The following ANAPC16 variants were observed in gnomAD, a reference collection of about 807,000 sequenced individuals.
ANAPC16 encodes anaphase-promoting complex subunit 16.
A neutral mutation model predicts 13.1 loss-of-function variants in ANAPC16; 6 were observed. The observed-to-expected ratio is 0.46, with a 90% CI of 0.25 to 0.90. ANAPC16 has a LOEUF of 0.90. Ranked by LOEUF, ANAPC16 falls within the 40% of genes least tolerant of loss-of-function variation. The pLI is 0.18. For synonymous variants in ANAPC16, 55 were observed against 51.3 expected, an observed-to-expected ratio of 1.07 and a Z score of -0.31; for missense variants, 113 against 131.1, an observed-to-expected ratio of 0.86 and a Z score of 0.67.
chr10:72,225,196 T>C (rs768766230), intron 2 of ANAPC16, among the ~76,000 whole-genome samples: 45 of 152,072 alleles, frequency 3.0e-4, no homozygotes, highest in Non-Finnish European at 6.2e-4. Context: ...GGCAGGAGAA[T>C]CACTTGAACC....
chr10:72,224,381 G>A (rs879262278), intron 2 of ANAPC16, among the ~76,000 whole-genome samples: 4 of 152,138 alleles, frequency 2.6e-5, no homozygotes, highest in Admixed American at 2.0e-4. Context: ...GGGAGACTGA[G>A]GCAGGTGGAT....
chr10:72,222,618 A>G (rs551213789), intron 1 of ANAPC16, among the ~76,000 whole-genome samples: 3 of 151,888 alleles, frequency 2.0e-5, no homozygotes, highest in African/African-American at 7.2e-5. Context: ...GCCTACTAAA[A>G]ATACAAAAAT....
intron 1 of ANAPC16, 87 bp from the exon 2 acceptor site, chr10:72,223,799 CTG>C (rs1215688454): frequency 9.3e-7 from 1 of 1,069,662 alleles, no homozygotes; most frequent in Non-Finnish European, 1.3e-6. Context: ...CTTTACAAAA[CTG>C]TATGCTGGCC....
Position 72,233,041 on chromosome 10 carries a change from A to C in ANAPC16, c.258A>C (p.Val86=). ...VARMEKLAGL[V]EELEADEWRF... ...GGATGGAAAAACTAGCTGGTTTGGT[A>C]GAAGAGCTGGAGGCTGACGAGTGGC... The change falls in exon 4 of 4, where the codon GTA becomes GTC. Residue 86 remains valine, a synonymous_variant. Transcript: ENST00000299381. 1 of 1,614,226 alleles carries C rather than the reference A, an allele frequency of 6.2e-7. No individual in the cohort carries two copies. The highest frequency in any genetic ancestry group is 1.1e-5 in the South Asian group (1 of 91,088).
At chr10:72,226,395 C>T (rs1860124201) in intron 2 of ANAPC16, among the ~76,000 whole-genome samples, 1 of 151,886 alleles carries the variant, frequency 6.6e-6, no homozygotes, top group African/African-American at 2.4e-5. Flanking sequence ...AACTATAGGC[C>T]AGGCATAGTG....
chr10:72,217,148 G>A (rs1404742053), intron 1 of ANAPC16: 1 of 433,806 alleles, frequency 2.3e-6, no homozygotes, highest in Non-Finnish European at 4.6e-6. Context: ...TTTCGAAGGT[G>A]GCAGGGTGTT....
At chr10:72,229,897 G>A (rs1860242639) in intron 2 of ANAPC16, among the ~76,000 whole-genome samples, 1 of 152,212 alleles carries the variant, frequency 6.6e-6, no homozygotes. Context: ...TCAGAGTGAT[G>A]TAATTTGATA....
intron 2 of ANAPC16, among the ~76,000 whole-genome samples, chr10:72,226,172 C>T (rs1344149437): frequency 6.6e-6 from 1 of 151,532 alleles, no homozygotes; most frequent in Non-Finnish European, 1.5e-5. Flanking sequence ...CCCACCACCA[C>T]ACCTGGCTAA....
intron 1 of ANAPC16, chr10:72,216,907 G>T: frequency 2.2e-6 from 1 of 456,130 alleles, no homozygotes; most frequent in Non-Finnish European, 4.4e-6. Context: ...CTGGCAAACT[G>T]GTTGAAGATA....
intron 2 of ANAPC16, among the ~76,000 whole-genome samples, chr10:72,224,979 G>A (rs1191537544): frequency 2.0e-5 from 3 of 152,074 alleles, no homozygotes; most frequent in Non-Finnish European, 2.9e-5. Flanking sequence ...AGAGCAAAGA[G>A]GTTACTTAAA....
intron 2 of ANAPC16, among the ~76,000 whole-genome samples, chr10:72,225,868 T>C (rs1860105134): frequency 6.8e-6 from 1 of 147,488 alleles, no homozygotes; most frequent in Non-Finnish European, 1.5e-5. Flanking sequence ...GCCACTGTAC[T>C]CCAGGCTGGT....
intron 1 of ANAPC16, among the ~76,000 whole-genome samples, chr10:72,218,997 C>T (rs1292981906): frequency 1.3e-5 from 2 of 152,216 alleles, no homozygotes; most frequent in Admixed American, 6.5e-5. Context: ...GCTGTCCTCA[C>T]TCTGGCAGTT....
At chr10:72,216,719 C>A (rs1859416189) in intron 1 of ANAPC16, 1 of 422,670 alleles carries the variant, frequency 2.4e-6, no homozygotes, top group Admixed American at 2.7e-5. Context: ...CCCTGCCGTA[C>A]ATGAAGTAAA....
At chr10:72,222,055 A>G (rs1055722963) in intron 1 of ANAPC16, among the ~76,000 whole-genome samples, 11 of 150,846 alleles carry the variant, frequency 7.3e-5, no homozygotes, top group Admixed American at 4.6e-4. Context: ...TACTAAATAC[A>G]CTTGTTAGAG....
rs1860420576 is a variant in ANAPC16, at chr10:72,234,637, TAA to T, written c.*1522_*1523del. The T allele has an allele frequency of 6.6e-6, 1 of 152,206 alleles. No individual in the cohort carries two copies. 9.4% of individuals were successfully genotyped at this position (152,206 alleles called of 1,614,324 possible). A position where few individuals can be genotyped will look rare whatever the true frequency, so the allele number is the denominator to read the frequency against. On this transcript the variant is annotated 3_prime_UTR_variant, in exon 4 of 4. Coordinates refer to ENST00000299381, the MANE Select transcript of ANAPC16 (RefSeq NM_173473.4). ...TGATCTGCTTAGAGTTGCTTAATTA[TAA>T]GTAAATATAATCCCAGTAGCATTTA... is the stretch of plus-strand genomic sequence containing the variant.
chr10:72,230,308 T>C, intron 2 of ANAPC16, 58 bp from the exon 3 acceptor site: 2 of 1,353,740 alleles, frequency 1.5e-6, no homozygotes, highest in South Asian at 2.3e-5. Flanking sequence ...TTACTTGGTT[T>C]ATCAGAAGCC....
At chr10:72,218,464 T>C (rs1413341696) in intron 1 of ANAPC16, among the ~76,000 whole-genome samples, 1 of 151,946 alleles carries the variant, frequency 6.6e-6, no homozygotes, top group Non-Finnish European at 1.5e-5. Context: ...CAACAAGCCA[T>C]TGCTTCAAAA....
chr10:72,233,208 C>G lies in ANAPC16; in HGVS notation c.*92C>G. ...TACATAGCCATCCAGAGATCCACAGCTACGTCACTGAATTGTTAATGCACA... is the reference window on the plus strand; with the variant it reads ...TACATAGCCATCCAGAGATCCACAGGTACGTCACTGAATTGTTAATGCACA... On this transcript the variant is annotated 3_prime_UTR_variant, in exon 4 of 4. Coordinates refer to ENST00000299381, the MANE Select transcript of ANAPC16 (RefSeq NM_173473.4). The G allele has an allele frequency of 2.2e-6, 2 of 912,972 alleles. No individual in the cohort carries two copies. Among genetic ancestry groups the G allele is most frequent in the South Asian group, 2.9e-5 (2 of 69,592 alleles). The allele number at this position is 912,972 out of a possible 1,614,324, so 56.6% of individuals were successfully genotyped here.
chr10:72,218,679 C>T (rs965928176), intron 1 of ANAPC16, among the ~76,000 whole-genome samples: 1 of 152,174 alleles, frequency 6.6e-6, no homozygotes, highest in African/African-American at 2.4e-5. Flanking sequence ...TCAGTTAATT[C>T]CTGCCCTGAG....
Sources: allele counts gnomAD v4.1 joint callset (sites outside exome capture counted in the v4.1 genomes callset), GRCh38; gene constraint gnomAD v4.1.1; transcripts MANE v1.5; gene names NCBI Gene and HGNC (gene_info 2026-07-23, HGNC 2026-07-21).